Variants in ACOXL observed in about 807,000 individuals in gnomAD.
The protein encoded by ACOXL is acyl-coenzyme A oxidase-like protein.
Under a neutral mutation model 71.9 loss-of-function variants are expected in ACOXL, and 70 were observed. That is an observed-to-expected ratio of 0.97 (90% CI 0.80 to 1.19). The LOEUF is 1.19. Among genes scored for constraint, ACOXL ranks in the 50% most tolerant of loss-of-function variants. The pLI is 0.00. For missense variants in ACOXL, 703 were observed against 736.3 expected, an observed-to-expected ratio of 0.95 and a Z score of 0.52; for synonymous variants, 253 against 281.6, an observed-to-expected ratio of 0.90 and a Z score of 1.02.
intron 12 of ACOXL, chr2:110,967,973 C>G: frequency 1.1e-6 from 1 of 928,026 alleles, no homozygotes; most frequent in Admixed American, 1.7e-5. Context: ...TACAACACAC[C>G]CAAATATAGG....
chr2:111,064,408 A>C (rs4849369), intron 16 of ACOXL, among the ~76,000 whole-genome samples: 57,938 of 144,080 alleles, frequency 0.4, 11,710 homozygotes, highest in East Asian at 0.53. Context: ...TGCAGCCCGG[A>C]CTGGGCGAAA....
chr2:111,021,672 A>G (rs1404279872), intron 14 of ACOXL, among the ~76,000 whole-genome samples: 1 of 152,200 alleles, frequency 6.6e-6, no homozygotes, highest in Non-Finnish European at 1.5e-5. Context: ...AGCCAAGCAG[A>G]GGAAACCAAG....
intron 10 of ACOXL, among the ~76,000 whole-genome samples, chr2:110,850,772 T>G (rs1573828837): frequency 6.6e-6 from 1 of 152,186 alleles, no homozygotes; most frequent in African/African-American, 2.4e-5. Context: ...TTTCTTATGA[T>G]GTTAAACATA....
chr2:111,098,530 T>TA (rs2068938187), intron 17 of ACOXL: 1 of 152,116 alleles, frequency 6.6e-6, no homozygotes, highest in African/African-American at 2.4e-5. Flanking sequence ...ACTCAGGAGA[T>TA]ATGGTAACTA....
At chr2:111,074,232 C>A (rs1181829545) in intron 16 of ACOXL, among the ~76,000 whole-genome samples, 1 of 149,966 alleles carries the variant, frequency 6.7e-6, no homozygotes, top group African/African-American at 2.5e-5. Flanking sequence ...TGTTTCCTTT[C>A]CAATTTCCAT....
intron 11 of ACOXL, among the ~76,000 whole-genome samples, chr2:110,912,912 A>C (rs762119407): frequency 6.6e-6 from 1 of 152,216 alleles, no homozygotes; most frequent in African/African-American, 2.4e-5. Context: ...CAATTCAACA[A>C]TAAAATGACA....
rs950507664 is a variant in ACOXL, at chr2:110,935,613, C to T, written c.1059+1971C>T. 3.9e-5 allele frequency among the ~76,000 whole-genome samples: 6 copies of T among 152,338 alleles called. No homozygotes were observed. The South Asian group carries it at 1.2e-3, about 32-fold the overall frequency. ...TGCTGGAATGCCAGCCCCCCAGGCA[C>T]GCTGCCTCACAGAACTCTGCGCCCA... On this transcript the variant is annotated intron_variant, in intron 12 of 17. Coordinates refer to ENST00000439055, the MANE Select transcript of ACOXL (RefSeq NM_001142807.4).
chr2:110,802,221 C>T (rs1216847736), intron 8 of ACOXL, among the ~76,000 whole-genome samples: 1 of 152,104 alleles, frequency 6.6e-6, no homozygotes, highest in Admixed American at 6.6e-5. Flanking sequence ...TTCCTTCCCC[C>T]CCCTGCCATT....
intron 13 of ACOXL, among the ~76,000 whole-genome samples, chr2:110,988,308 G>A (rs1574399999): frequency 6.6e-6 from 1 of 152,116 alleles, no homozygotes; most frequent in Non-Finnish European, 1.5e-5. Flanking sequence ...AGGCGTGGTG[G>A]CACATGCCTG....
At chr2:110,958,830 C>A (rs2061597608) in intron 12 of ACOXL, among the ~76,000 whole-genome samples, 1 of 152,360 alleles carries the variant, frequency 6.6e-6, no homozygotes, top group Non-Finnish European at 1.5e-5. Flanking sequence ...TAGGCATAGG[C>A]AGGTTCTCAT....
intron 1 of ACOXL, among the ~76,000 whole-genome samples, chr2:110,765,171 A>G (rs1395540371): frequency 6.6e-6 from 1 of 152,158 alleles, no homozygotes; most frequent in African/African-American, 2.4e-5. Context: ...TTTCCCCTAT[A>G]AGTAACCCAT....
At chr2:110,867,885 C>G (rs181349730) in intron 10 of ACOXL, among the ~76,000 whole-genome samples, 91 of 152,234 alleles carry the variant, frequency 6.0e-4, no homozygotes, top group Non-Finnish European at 1.1e-3. Flanking sequence ...ACCTCAGCCT[C>G]CCGAGTAGCT....
intron 9 of ACOXL, among the ~76,000 whole-genome samples, chr2:110,837,572 T>C (rs1690608673): frequency 6.6e-6 from 1 of 152,058 alleles, no homozygotes; most frequent in African/African-American, 2.4e-5. Context: ...CAAATTATTC[T>C]CAGATTACCC....
rs13410480 is a variant in ACOXL, at chr2:110,850,609, T to C, written c.788+9204T>C. ...GGCTTAAAACTTCAATACCATCAAA[T>C]TGACCCTCATCAAAACTTCCCAACA... is the stretch of plus-strand genomic sequence containing the variant. On this transcript the variant is annotated intron_variant, in intron 10 of 17. Coordinates refer to ENST00000439055, the MANE Select transcript of ACOXL (RefSeq NM_001142807.4). Among the ~76,000 whole-genome samples the C allele has an allele frequency of 4.8e-3, 726 of 152,218 alleles. 7 individuals carry two copies. The highest frequency in any genetic ancestry group is 0.017 in the African/African-American group (709 of 41,540).
intron 17 of ACOXL, among the ~76,000 whole-genome samples, chr2:111,105,213 A>G (rs1275925951): frequency 1.3e-5 from 2 of 152,118 alleles, no homozygotes; most frequent in Admixed American, 6.5e-5. Context: ...CCCTTCACCA[A>G]TACCACATGG....
At chr2:111,009,517 AAAAAAAAAAAAG>A (rs2064039676) in intron 14 of ACOXL, among the ~76,000 whole-genome samples, 1 of 150,436 alleles carries the variant, frequency 6.6e-6, no homozygotes, top group Non-Finnish European at 1.5e-5. Context: ...CCGTCTCAAA[AAAAAAAAAAAAG>A]AAAAGAAAAG....
chr2:110,989,821 ACCTGAGGTCAGGAGTTTGAGACCAG>A (rs1331283019), intron 13 of ACOXL, among the ~76,000 whole-genome samples: 2 of 152,118 alleles, frequency 1.3e-5, no homozygotes, highest in African/African-American at 4.8e-5. Context: ...CGGGTGGATC[ACCTGAGGTCAGGAGTTTGAGACCAG>A]CCTGGGCAAC....
chr2:110,978,727 G>A (rs1052828426), intron 12 of ACOXL, among the ~76,000 whole-genome samples: 1 of 152,108 alleles, frequency 6.6e-6, no homozygotes, highest in Non-Finnish European at 1.5e-5. Context: ...ATTATAATTC[G>A]AAACAAATCA....
Position 110,987,223 on chromosome 2 carries a change from T to C in ACOXL, c.1169+6T>C. On this transcript the variant is annotated splice_donor_region_variant and intron_variant, in intron 13 of 17. Coordinates refer to ENST00000439055, the MANE Select transcript of ACOXL (RefSeq NM_001142807.4). The stretch of plus-strand genomic sequence containing the variant: ...GGGGACAAGCTGAGAACCAGGTACG[T>C]ATTACTCAGGCCATCATCATCTGCC... The C allele has an allele frequency of 6.4e-7, 1 of 1,563,600 alleles. No individual in the cohort carries two copies. The highest frequency in any genetic ancestry group is 1.2e-5 in the South Asian group (1 of 85,208).
Sources: allele counts gnomAD v4.1 joint callset (sites outside exome capture counted in the v4.1 genomes callset), GRCh38; gene constraint gnomAD v4.1.1; transcripts MANE v1.5; gene names NCBI Gene and HGNC (gene_info 2026-07-23, HGNC 2026-07-21).